The following SP140 variants were observed in gnomAD, a reference collection of about 807,000 sequenced individuals.
The protein encoded by SP140 is SP140 nuclear body protein, also known as nuclear body protein SP140.
A neutral mutation model predicts 125.0 loss-of-function variants in SP140; 81 were observed. That is an observed-to-expected ratio of 0.65 (90% CI 0.54 to 0.78). SP140 has a LOEUF of 0.78. Ranked by LOEUF, SP140 falls within the 30% of genes least tolerant of loss-of-function variation. The pLI, the probability that SP140 is intolerant of heterozygous loss-of-function variation, is 0.00. For missense variants in SP140, 858 were observed against 1,037.0 expected (o/e 0.83, Z 2.37); for synonymous variants, 312 against 354.0 (o/e 0.88, Z 1.33).
Position 230,248,059 on chromosome 2 carries a change from G to T in SP140, c.886G>T (p.Asp296Tyr), listed in dbSNP as rs779469029. The T allele has an allele frequency of 1.9e-6, 3 of 1,613,224 alleles. No individual in the cohort carries two copies. In the East Asian group the frequency reaches 6.7e-5, roughly 36 times the overall value. ...EKYQESPEGR[D>Y]KETFDLKTPQ... ...GTACCAAGAGAGTCCAGAGGGAAGA[G>T]ACAAAGGTAGGAACAGAAGAAGCAG... The change falls in exon 8 of 27, where the codon GAC becomes TAC. Residue 296 changes from aspartate to tyrosine, a missense_variant. Physicochemically the swap from Asp to Tyr is radical, Grantham distance 160. This residue lies in a region of SP140 where 791 missense variants were observed against 869.5 expected (regional missense o/e 0.91). Transcript: ENST00000392045.
chr2:230,191,179 C>A, the SP140 span, among the ~76,000 whole-genome samples: 1 of 151,992 alleles, frequency 6.6e-6, no homozygotes, highest in Non-Finnish European at 1.5e-5. Context: ...ATGCCCACAT[C>A]AGGAAGCTAG....
upstream of SP140, among the ~76,000 whole-genome samples, chr2:230,199,249 C>G (rs1404879143): frequency 7.6e-6 from 1 of 130,814 alleles, no homozygotes; most frequent in Non-Finnish European, 1.6e-5. Flanking sequence ...CACTCTGTCA[C>G]CTAGGCTAGA....
chr2:230,222,831 T>C (rs2045932534), upstream of SP140, among the ~76,000 whole-genome samples: 1 of 148,398 alleles, frequency 6.7e-6, no homozygotes, highest in Non-Finnish European at 1.5e-5. Flanking sequence ...TAGTTTCGTG[T>C]GTATTAAAGT....
chr2:230,279,082 A>T (rs1034975538), intron 15 of SP140, among the ~76,000 whole-genome samples: 2 of 152,164 alleles, frequency 1.3e-5, no homozygotes, highest in African/African-American at 4.8e-5. Flanking sequence ...TACAATAGCA[A>T]CAAAAAGAAT....
rs371120657 is a variant in SP140, at chr2:230,289,057, C to T, written c.1720+1091C>T. ...GGAATCGCCACACTGTCTTCCATAA[C>T]GGTTGAACTAATTTACACTGCAACC... is the stretch of plus-strand genomic sequence containing the variant. On this transcript the variant is annotated intron_variant, in intron 18 of 26. Coordinates refer to ENST00000392045, the MANE Select transcript of SP140 (RefSeq NM_007237.5). Among the ~76,000 whole-genome samples, 12 of 152,310 alleles carry T rather than the reference C, an allele frequency of 7.9e-5. No homozygotes were observed. In the East Asian group the frequency reaches 9.6e-4, roughly 12 times the overall value.
At position 230,260,089 on chromosome 2, in the gene SP140, T is replaced by C. The variant is rs368441473; in HGVS notation, c.1240+4557T>C. Among the ~76,000 whole-genome samples, 7 of 152,150 alleles carry C rather than the reference T, an allele frequency of 4.6e-5. No homozygotes were observed. In the East Asian group the frequency reaches 1.2e-3, roughly 25 times the overall value. On this transcript the variant is annotated intron_variant, in intron 12 of 26. Transcript: ENST00000392045. ...GTAGAAGTGTTCCCTATTCACTGCA[T>C]CCATGCCAGCATCTACTGTTTTTGA...
intron 1 of SP140, among the ~76,000 whole-genome samples, chr2:230,207,332 G>A (rs1239273410): frequency 1.3e-5 from 2 of 152,096 alleles, no homozygotes; most frequent in Non-Finnish European, 2.9e-5. Context: ...ATATTGCTCT[G>A]GCTGATAAGC....
At chr2:230,241,598 C>G in intron 4 of SP140, 111 bp downstream of exon 4, 1 of 677,686 alleles carries the variant, frequency 1.5e-6, no homozygotes. Context: ...ATCTCCCAGT[C>G]CTCCTCCCCT....
At chr2:230,293,608 T>A (rs1439672195) in intron 20 of SP140, among the ~76,000 whole-genome samples, 1 of 151,944 alleles carries the variant, frequency 6.6e-6, no homozygotes, top group African/African-American at 2.4e-5. Context: ...AATGCTGGGG[T>A]TACAGGCGAC....
At position 230,230,947 on chromosome 2, in the gene SP140, C is replaced by CT. The variant is rs373902654; in HGVS notation, c.59+5053dup. ...ATATTGTGTTCTGTTTTGTTTTTTCCTTTTTTTTTCCTCTTTGCATTTCTA... is the reference window on the plus strand; with the variant it reads ...ATATTGTGTTCTGTTTTGTTTTTTCCTTTTTTTTTTCCTCTTTGCATTTCTA... On this transcript the variant is annotated intron_variant, in intron 1 of 26. Coordinates refer to ENST00000392045, the MANE Select transcript of SP140 (RefSeq NM_007237.5). 1.2e-4 allele frequency among the ~76,000 whole-genome samples: 18 copies of CT among 151,204 alleles called. No homozygotes were observed. The South Asian group carries it at 1.3e-3, about 11-fold the overall frequency.
chr2:230,292,924 G>C, intron 20 of SP140, 136 bp downstream of exon 20: 1 of 1,308,742 alleles, frequency 7.6e-7, no homozygotes, highest in African/African-American at 1.5e-5. Flanking sequence ...ACTCAGGAGA[G>C]AGGGACCCCA....
the SP140 span, among the ~76,000 whole-genome samples, chr2:230,192,242 T>G: frequency 6.6e-6 from 1 of 152,212 alleles, no homozygotes; most frequent in Non-Finnish European, 1.5e-5. Flanking sequence ...GGATGCCCTC[T>G]CTCACCATTC....
intron 20 of SP140, 137 bp from the exon 21 acceptor site, chr2:230,294,134 G>A (rs2057426291): frequency 1.5e-6 from 1 of 670,798 alleles, no homozygotes; most frequent in Non-Finnish European, 2.7e-6. Context: ...ACAGGGAGAT[G>A]GTTTCTCATT....
chr2:230,209,868 G>A, intron 1 of SP140: 6 of 972,232 alleles, frequency 6.2e-6, no homozygotes, highest in Non-Finnish European at 1.0e-5. Context: ...GATACAGTCA[G>A]AAAAACAGAA....
intron 12 of SP140, among the ~76,000 whole-genome samples, chr2:230,269,292 C>A (rs1559298346): frequency 6.6e-6 from 1 of 152,168 alleles, no homozygotes; most frequent in African/African-American, 2.4e-5. Flanking sequence ...AGTTTCCTTG[C>A]TTTATTCTCA....
intron 12 of SP140, among the ~76,000 whole-genome samples, chr2:230,256,906 T>C (rs2051308167): frequency 6.6e-6 from 1 of 152,210 alleles, no homozygotes; most frequent in Non-Finnish European, 1.5e-5. Flanking sequence ...AGTACTCTGA[T>C]AGGTGTTATA....
At chr2:230,295,157 T>C (rs1203466263) in intron 21 of SP140, among the ~76,000 whole-genome samples, 1 of 152,238 alleles carries the variant, frequency 6.6e-6, no homozygotes, top group East Asian at 1.9e-4. Context: ...AGACTGGGTA[T>C]GAATGAGAAC....
chr2:230,305,229 G>C (rs1445954450), intron 22 of SP140, among the ~76,000 whole-genome samples: 1 of 152,204 alleles, frequency 6.6e-6, no homozygotes, highest in Admixed American at 6.5e-5. Context: ...TGCAAGAATG[G>C]CCATAACTTA....
intron 1 of SP140, among the ~76,000 whole-genome samples, chr2:230,207,714 T>C (rs528346317): frequency 6.6e-6 from 1 of 152,212 alleles, no homozygotes; most frequent in African/African-American, 2.4e-5. Flanking sequence ...GAATTGGCAC[T>C]CTTCTCTGCA....
Sources: allele counts gnomAD v4.1 joint callset (sites outside exome capture counted in the v4.1 genomes callset), GRCh38; gene constraint gnomAD v4.1.1; regional missense constraint gnomAD v4.1.1; transcripts MANE v1.5; gene names NCBI Gene and HGNC (gene_info 2026-07-23, HGNC 2026-07-21).